Variants in THSD4 observed in about 807,000 individuals in gnomAD.
The protein encoded by THSD4 is thrombospondin type-1 domain-containing protein 4.
THSD4 carries 69 observed loss-of-function variants against 119.0 expected under a neutral mutation model. The observed-to-expected ratio is 0.58, with a 90% CI of 0.48 to 0.71. The LOEUF is 0.71. Ranked by LOEUF, THSD4 falls within the 30% of genes least tolerant of loss-of-function variation. THSD4 has a pLI of 0.00. For synonymous variants in THSD4, 524 were observed against 540.4 expected (o/e 0.97, Z 0.42); for missense variants, 1,393 against 1,391.1 (o/e 1.00, Z -0.02).
At chr15:71,554,876 A>G (rs1460169118) in intron 7 of THSD4, among the ~76,000 whole-genome samples, 1 of 152,224 alleles carries the variant, frequency 6.6e-6, no homozygotes, top group Non-Finnish European at 1.5e-5. Context: ...CATATGTAAT[A>G]TATAAGCAAT....
intron 3 of THSD4, among the ~76,000 whole-genome samples, chr15:71,187,838 C>G (rs952233599): frequency 1.3e-5 from 2 of 152,180 alleles, no homozygotes; most frequent in African/African-American, 4.8e-5. Context: ...CTTCCTGAAC[C>G]TCCATCAACA....
chr15:71,688,709 G>C (rs1404788134), intron 8 of THSD4, among the ~76,000 whole-genome samples: 6 of 79,194 alleles, frequency 7.6e-5, no homozygotes, highest in African/African-American at 3.3e-4. Flanking sequence ...TTGTATCTCT[G>C]TGTGTGTGTG....
At chr15:71,331,800 A>C (rs115573336) in intron 6 of THSD4, among the ~76,000 whole-genome samples, 1 of 151,924 alleles carries the variant, frequency 6.6e-6, no homozygotes. Context: ...ATTGAATTAC[A>C]ATGCATTCCT....
intron 3 of THSD4, among the ~76,000 whole-genome samples, chr15:71,208,984 G>A (rs2043867887): frequency 6.6e-6 from 1 of 152,164 alleles, no homozygotes; most frequent in Non-Finnish European, 1.5e-5. Flanking sequence ...TGCAGGGCAG[G>A]TCATAATCTC....
At chr15:71,627,082 C>G (rs1449309603) in intron 7 of THSD4, among the ~76,000 whole-genome samples, 1 of 151,192 alleles carries the variant, frequency 6.6e-6, no homozygotes, top group Admixed American at 6.6e-5. Context: ...TTTTGACACT[C>G]TTTTTTTTTA....
intron 8 of THSD4, among the ~76,000 whole-genome samples, chr15:71,707,245 G>T (rs1007716903): frequency 6.6e-6 from 1 of 152,174 alleles, no homozygotes; most frequent in South Asian, 2.1e-4. Flanking sequence ...AAAAACAGCC[G>T]TGATGTCCAG....
Position 71,737,777 on chromosome 15 carries a change from A to C in THSD4, c.1676A>C (p.Glu559Ala), listed in dbSNP as rs772565213. The change falls in exon 11 of 18, where the codon GAG becomes GCG. Residue 559 changes from glutamate to alanine, a missense_variant. Coordinates refer to ENST00000261862, the MANE Select transcript of THSD4 (RefSeq NM_024817.3). ...ATGGTGACAGAAGGCAGGAGCCAGG[A>C]GGAGGGAGAACAGAAAGGGAGGAAC... ...GQMVTEGRSQ[E>A]EGEQKGRNEE... The C allele has an allele frequency of 3.1e-6, 5 of 1,613,938 alleles. No homozygotes were observed. The South Asian group carries it at 4.4e-5, about 14-fold the overall frequency.
chr15:71,757,079 A>G (rs2053551974), intron 14 of THSD4, among the ~76,000 whole-genome samples: 1 of 152,178 alleles, frequency 6.6e-6, no homozygotes, highest in Non-Finnish European at 1.5e-5. Flanking sequence ...CACATTATAC[A>G]GTCTCCATAG....
intron 13 of THSD4, 38 bp downstream of exon 13, chr15:71,747,080 C>G (rs1289881815): frequency 4.5e-6 from 7 of 1,550,816 alleles, no homozygotes; most frequent in Non-Finnish European, 6.1e-6. Flanking sequence ...AGCTCCCTCT[C>G]CAGCTCCCAC....
In THSD4 at chr15:71,496,279, T is replaced by C. The variant is rs918501029; in HGVS notation, c.1152+84456T>C. On this transcript the variant is annotated intron_variant, in intron 7 of 17. Coordinates refer to ENST00000261862, the MANE Select transcript of THSD4 (RefSeq NM_024817.3). The stretch of plus-strand genomic sequence containing the variant: ...TGTTTCATATTAAAAATTGATTTAG[T>C]TGTACAATAGAAAGCAGTTGGGATG... Among the ~76,000 whole-genome samples the C allele has an allele frequency of 1.2e-4, 19 of 152,318 alleles. 1 individual carries two copies. The Middle Eastern group carries it at 0.017, about 136-fold the overall frequency.
chr15:71,219,381 T>C (rs1202706046), intron 4 of THSD4, among the ~76,000 whole-genome samples: 2 of 152,194 alleles, frequency 1.3e-5, no homozygotes, highest in Non-Finnish European at 2.9e-5. Flanking sequence ...AATCAAATAT[T>C]GTCTAGCAGA....
At chr15:71,379,059 T>C (rs140499074) in intron 6 of THSD4, among the ~76,000 whole-genome samples, 123 of 152,274 alleles carry the variant, frequency 8.1e-4, no homozygotes, top group African/African-American at 2.6e-3. Context: ...GCTGGGATTA[T>C]AGGCATGAGC....
intron 17 of THSD4, among the ~76,000 whole-genome samples, chr15:71,772,603 C>T (rs945269388): frequency 1.1e-4 from 16 of 152,140 alleles, no homozygotes; most frequent in Non-Finnish European, 1.5e-4. Context: ...GCTACAGAAA[C>T]TAAAACTATT....
At position 71,436,839 on chromosome 15, in the gene THSD4, C is replaced by T. The variant is rs76374772; in HGVS notation, c.1152+25016C>T. Among the ~76,000 whole-genome samples, 45 of 152,134 alleles carry T rather than the reference C, an allele frequency of 3.0e-4. No individual in the cohort carries two copies. In the East Asian group the frequency reaches 7.7e-3, roughly 26 times the overall value. ...AATTTGAGGGATAGTAACATTTTTA[C>T]GGGGAAATGAATGGACTTGGAGAAC... On this transcript the variant is annotated intron_variant, in intron 7 of 17. Coordinates refer to ENST00000261862, the MANE Select transcript of THSD4 (RefSeq NM_024817.3).
At chr15:71,769,884 C>G in intron 16 of THSD4, among the ~76,000 whole-genome samples, 1 of 51,960 alleles carries the variant, frequency 1.9e-5, no homozygotes, top group Non-Finnish European at 3.6e-5. Context: ...CCAAATCCCC[C>G]TCTGTGAGAA....
chr15:71,557,186 C>T (rs945209826), intron 7 of THSD4, among the ~76,000 whole-genome samples: 1 of 152,102 alleles, frequency 6.6e-6, no homozygotes, highest in African/African-American at 2.4e-5. Flanking sequence ...TTTTTTAAAT[C>T]ATGAACATGT....
intron 5 of THSD4, among the ~76,000 whole-genome samples, chr15:71,254,392 C>G (rs1352652903): frequency 6.6e-6 from 1 of 152,158 alleles, no homozygotes. Flanking sequence ...CTCTGTGATT[C>G]CACGTTAAGT....
intron 6 of THSD4, among the ~76,000 whole-genome samples, chr15:71,298,711 C>T (rs1389810266): frequency 1.3e-5 from 2 of 148,602 alleles, no homozygotes; most frequent in Non-Finnish European, 3.0e-5. Context: ...CTCCTGGGTT[C>T]AAGCAATTCT....
At chr15:71,745,422 C>A (rs966354038) in intron 12 of THSD4, among the ~76,000 whole-genome samples, 187 bp downstream of exon 12, 2 of 152,164 alleles carry the variant, frequency 1.3e-5, no homozygotes, top group Admixed American at 1.3e-4. Context: ...GAGCTGATAG[C>A]CTTTAGCAAG....
Sources: gnomAD v4.1 joint callset for allele counts (sites outside exome capture counted in the v4.1 genomes callset) on GRCh38, gnomAD v4.1.1 for gene constraint, MANE v1.5 for transcripts, NCBI Gene and HGNC (gene_info 2026-07-23, HGNC 2026-07-21) for gene names.